LRMDA: variants seen among roughly 807,000 people sequenced by gnomAD.
LRMDA encodes the protein leucine-rich melanocyte differentiation-associated protein.
In LRMDA, 18 loss-of-function variants were observed where a neutral mutation model predicts 29.8. The observed-to-expected ratio is 0.60, with a 90% CI of 0.42 to 0.90. The LOEUF (loss-of-function observed/expected upper bound fraction) is 0.90, where lower values mean the gene tolerates loss of function less well. Among genes scored for constraint, LRMDA ranks in the 40% least tolerant of loss-of-function variants. LRMDA has a pLI of 0.00. For missense variants in LRMDA, 273 were observed against 273.9 expected (o/e 1.00, Z 0.02); for synonymous variants, 125 against 109.4 (o/e 1.14, Z -0.89).
intron 2 of LRMDA, among the ~76,000 whole-genome samples, chr10:75,502,096 C>T (rs1157210100): frequency 1.3e-5 from 2 of 152,228 alleles, no homozygotes; most frequent in African/African-American, 4.8e-5. Flanking sequence ...TTCTTTGGAG[C>T]TGTCTCAGTT....
chr10:76,356,113 G>C (rs1400893471), intron 6 of LRMDA, among the ~76,000 whole-genome samples: 1 of 152,200 alleles, frequency 6.6e-6, no homozygotes, highest in African/African-American at 2.4e-5. Flanking sequence ...AAGCCATTAT[G>C]TGTTCATTTC....
chr10:76,515,941 C>T lies in LRMDA; in HGVS notation c.602-41268C>T, dbSNP rs763162684. On this transcript the variant is annotated intron_variant, in intron 6 of 6. Transcript: ENST00000611255. ...CAAGCTGAAATCAGAGAAAGAAGTA[C>T]GTGTTTTCCCCAAATTCAGACATTG... Among the ~76,000 whole-genome samples the T allele has an allele frequency of 5.3e-5, 8 of 152,164 alleles. No individual in the cohort carries two copies. In the East Asian group the frequency reaches 5.8e-4, roughly 11 times the overall value.
chr10:75,635,584 A>G (rs769596287), intron 2 of LRMDA, among the ~76,000 whole-genome samples: 16 of 152,154 alleles, frequency 1.1e-4, no homozygotes, highest in Non-Finnish European at 1.8e-4. Flanking sequence ...CCCACAAGGG[A>G]AAGAGATGAA....
intron 5 of LRMDA, among the ~76,000 whole-genome samples, chr10:76,080,489 C>T (rs1010377324): frequency 6.6e-6 from 1 of 152,216 alleles, no homozygotes; most frequent in African/African-American, 2.4e-5. Context: ...CACCAGCACT[C>T]AGTTCTCTCA....
At chr10:76,021,116 T>A (rs556714189) in intron 2 of LRMDA, among the ~76,000 whole-genome samples, 3 of 152,214 alleles carry the variant, frequency 2.0e-5, no homozygotes, top group Non-Finnish European at 2.9e-5. Flanking sequence ...GTAAGATACC[T>A]GGGACAGTTG....
At chr10:76,397,838 T>A (rs1841804731) in intron 6 of LRMDA, among the ~76,000 whole-genome samples, 1 of 152,030 alleles carries the variant, frequency 6.6e-6, no homozygotes, top group South Asian at 2.1e-4. Flanking sequence ...AACAAGGGGG[T>A]GAACAACAGA....
chr10:75,573,939 A>T (rs1840469087), intron 2 of LRMDA, among the ~76,000 whole-genome samples: 1 of 151,618 alleles, frequency 6.6e-6, no homozygotes. Flanking sequence ...ATGACTTTAC[A>T]TACACTAATA....
chr10:75,564,473 C>T (rs1359111524), intron 2 of LRMDA, among the ~76,000 whole-genome samples: 1 of 152,210 alleles, frequency 6.6e-6, no homozygotes, highest in Non-Finnish European at 1.5e-5. Flanking sequence ...ACTCCCTGAC[C>T]CCTTGCGCTT....
intron 2 of LRMDA, among the ~76,000 whole-genome samples, chr10:75,520,779 T>G (rs1225616645): frequency 6.6e-6 from 1 of 152,232 alleles, no homozygotes; most frequent in Admixed American, 6.5e-5. Context: ...TTTTAGAATT[T>G]TCAACTTTTC....
intron 6 of LRMDA, among the ~76,000 whole-genome samples, chr10:76,463,199 G>C (rs1289246152): frequency 2.6e-5 from 4 of 152,136 alleles, no homozygotes; most frequent in African/African-American, 9.7e-5. Context: ...TAGAGCTGCA[G>C]GAGCCAGAAA....
At chr10:76,046,378 C>G (rs1388291118) in intron 3 of LRMDA, among the ~76,000 whole-genome samples, 1 of 152,192 alleles carries the variant, frequency 6.6e-6, no homozygotes, top group Non-Finnish European at 1.5e-5. Context: ...ATAATCTCCC[C>G]CATCATGCCC....
chr10:76,003,925 G>C (rs1847604058), intron 2 of LRMDA, among the ~76,000 whole-genome samples: 1 of 152,124 alleles, frequency 6.6e-6, no homozygotes, highest in Non-Finnish European at 1.5e-5. Context: ...TTGGGACCTG[G>C]GTATAAAGCC....
At chr10:76,196,980 T>A (rs1017035721) in intron 5 of LRMDA, among the ~76,000 whole-genome samples, 4 of 152,208 alleles carry the variant, frequency 2.6e-5, no homozygotes, top group Admixed American at 6.5e-5. Context: ...CTCTTTTTAA[T>A]ATCCAGTCAG....
At chr10:75,455,662 C>A (rs980026609) in intron 2 of LRMDA, among the ~76,000 whole-genome samples, 1 of 152,282 alleles carries the variant, frequency 6.6e-6, no homozygotes. Flanking sequence ...CAGGTGAGAC[C>A]TGGGTTGGCT....
At chr10:76,265,746 T>C (rs1332281716) in intron 5 of LRMDA, among the ~76,000 whole-genome samples, 17 of 152,216 alleles carry the variant, frequency 1.1e-4, no homozygotes, top group Non-Finnish European at 1.5e-5. Context: ...GTTGGTTTGA[T>C]GTTATTACTA....
chr10:76,539,140 G>T (rs1358553321), intron 6 of LRMDA, among the ~76,000 whole-genome samples: 2 of 152,092 alleles, frequency 1.3e-5, no homozygotes, highest in Non-Finnish European at 2.9e-5. Context: ...AGCTATGAAA[G>T]GTCAGATGAG....
intron 2 of LRMDA, among the ~76,000 whole-genome samples, chr10:75,592,862 C>G (rs1158441244): frequency 1.3e-5 from 2 of 152,186 alleles, no homozygotes; most frequent in Non-Finnish European, 2.9e-5. Flanking sequence ...GTTTTAAAGT[C>G]TACTTGCTTC....
intron 6 of LRMDA, among the ~76,000 whole-genome samples, chr10:76,366,340 C>A (rs182568175): frequency 6.6e-5 from 10 of 152,238 alleles, no homozygotes; most frequent in African/African-American, 2.4e-4. Context: ...GCAGTATGGT[C>A]ATTTTCACAA....
chr10:75,978,980 A>G (rs1847120814), intron 2 of LRMDA, among the ~76,000 whole-genome samples: 1 of 152,188 alleles, frequency 6.6e-6, no homozygotes, highest in Admixed American at 6.5e-5. Context: ...GTAACCTGCC[A>G]CTTATTGGCC....
Sources: gnomAD v4.1 joint callset for allele counts (sites outside exome capture counted in the v4.1 genomes callset) on GRCh38, gnomAD v4.1.1 for gene constraint, MANE v1.5 for transcripts, NCBI Gene and HGNC (gene_info 2026-07-23, HGNC 2026-07-21) for gene names.